NBAS: variants seen among roughly 807,000 people sequenced by gnomAD.
NBAS encodes the protein NBAS subunit of NRZ tethering complex, also known as NAG/BC035112 fusion.
NBAS carries 219 observed loss-of-function variants against 302.5 expected under a neutral mutation model. That is an observed-to-expected ratio of 0.72 (90% CI 0.65 to 0.81). The LOEUF (loss-of-function observed/expected upper bound fraction) is 0.81, where lower values mean the gene tolerates loss of function less well. NBAS is among the 30% of genes least tolerant of loss of function. The pLI, the probability that NBAS is intolerant of heterozygous loss-of-function variation, is 0.00. For synonymous variants in NBAS, 1,118 were observed against 1,021.6 expected (o/e 1.09, Z -1.80); for missense variants, 2,932 against 2,841.6 (o/e 1.03, Z -0.72).
At chr2:14,892,133 A>G in the NBAS span, among the ~76,000 whole-genome samples, 1 of 152,224 alleles carries the variant, frequency 6.6e-6, no homozygotes, top group Non-Finnish European at 1.5e-5. Context: ...AAATATTTTT[A>G]AAGAAAATGA....
At chr2:15,016,037 C>CA in the NBAS span, among the ~76,000 whole-genome samples, 35 of 147,672 alleles carry the variant, frequency 2.4e-4, no homozygotes, top group Middle Eastern at 3.4e-3. Flanking sequence ...CAATAGCTAC[C>CA]AAAAAAAAAA....
the NBAS span, among the ~76,000 whole-genome samples, chr2:14,859,220 T>C: frequency 2.0e-5 from 3 of 152,092 alleles, no homozygotes; most frequent in South Asian, 6.2e-4. Context: ...TCCATGCTCA[T>C]GATTGGAAAA....
the NBAS span, among the ~76,000 whole-genome samples, chr2:15,050,929 G>C: frequency 2.0e-5 from 3 of 152,012 alleles, no homozygotes; most frequent in South Asian, 4.2e-4. Context: ...AAAGGGGACT[G>C]GGGGGTGACT....
chr2:15,558,120 A>G (rs183531310), intron 2 of NBAS, among the ~76,000 whole-genome samples: 6 of 152,272 alleles, frequency 3.9e-5, no homozygotes, highest in East Asian at 1.9e-4. Flanking sequence ...TGTGGAAGAC[A>G]ATTTTTCCAT....
At chr2:14,888,405 A>G in the NBAS span, among the ~76,000 whole-genome samples, 3 of 151,694 alleles carry the variant, frequency 2.0e-5, no homozygotes, top group African/African-American at 7.3e-5. Flanking sequence ...TGCTGGGATT[A>G]CAGGCGTGAG....
At chr2:15,253,858 G>A (rs1204152139) in intron 44 of NBAS, among the ~76,000 whole-genome samples, 2 of 152,098 alleles carry the variant, frequency 1.3e-5, no homozygotes, top group Non-Finnish European at 2.9e-5. Flanking sequence ...TGGCAGTGGG[G>A]GAGATCTAAT....
At chr2:14,783,876 G>C in the NBAS span, among the ~76,000 whole-genome samples, 1 of 150,396 alleles carries the variant, frequency 6.6e-6, no homozygotes, top group South Asian at 2.1e-4. Context: ...TCTAGTTCTA[G>C]ATCCCTGAGG....
At chr2:14,891,341 T>C in the NBAS span, among the ~76,000 whole-genome samples, 2 of 152,328 alleles carry the variant, frequency 1.3e-5, no homozygotes, top group African/African-American at 4.8e-5. Context: ...GTTTGATTTT[T>C]TTTTTGCTAA....
chr2:15,384,532 C>G (rs913659935), intron 28 of NBAS, among the ~76,000 whole-genome samples: 1 of 150,906 alleles, frequency 6.6e-6, no homozygotes, highest in African/African-American at 2.4e-5. Context: ...AGACCCCCCC[C>G]CCATTTTTCT....
At chr2:15,392,083 A>C (rs1675636008) in intron 28 of NBAS, among the ~76,000 whole-genome samples, 1 of 152,050 alleles carries the variant, frequency 6.6e-6, no homozygotes, top group Non-Finnish European at 1.5e-5. Context: ...TGGAAACATA[A>C]GTCTACATAA....
the NBAS span, among the ~76,000 whole-genome samples, chr2:14,842,860 A>C: frequency 2.0e-5 from 3 of 149,654 alleles, no homozygotes; most frequent in Non-Finnish European, 4.4e-5. Flanking sequence ...AAAAAAAAAA[A>C]AAAACATATA....
the NBAS span, among the ~76,000 whole-genome samples, chr2:14,887,574 C>A: frequency 2.6e-5 from 4 of 152,044 alleles, no homozygotes; most frequent in African/African-American, 4.8e-5. Context: ...GACTGAGAAC[C>A]TTGCCGTCTT....
At chr2:15,039,408 A>C in the NBAS span, among the ~76,000 whole-genome samples, 1 of 152,338 alleles carries the variant, frequency 6.6e-6, no homozygotes, top group South Asian at 2.1e-4. Context: ...GAAGGATTTA[A>C]AGAAATTGTT....
At chr2:15,338,485 T>A (rs143890548) in intron 35 of NBAS, among the ~76,000 whole-genome samples, 65 of 152,264 alleles carry the variant, frequency 4.3e-4, no homozygotes, top group Non-Finnish European at 5.0e-4. Flanking sequence ...AAAAATACTC[T>A]ATGGAGTAAA....
the NBAS span, among the ~76,000 whole-genome samples, chr2:15,048,368 T>C: frequency 3.9e-5 from 6 of 152,242 alleles, no homozygotes; most frequent in Non-Finnish European, 8.8e-5. Flanking sequence ...GCATCTTTTC[T>C]TTCTGTCCAC....
chr2:14,810,770 C>A, the NBAS span, among the ~76,000 whole-genome samples: 1 of 152,096 alleles, frequency 6.6e-6, no homozygotes, highest in African/African-American at 2.4e-5. Flanking sequence ...TGGTGTCTGG[C>A]ACATAGTAAA....
intron 34 of NBAS, among the ~76,000 whole-genome samples, chr2:15,352,329 T>C (rs1296326090): frequency 2.0e-5 from 3 of 152,202 alleles, no homozygotes; most frequent in African/African-American, 7.2e-5. Flanking sequence ...GCAGTGTATG[T>C]GTTCAGGTCT....
chr2:15,327,279 AG>A (rs945455832), intron 38 of NBAS, among the ~76,000 whole-genome samples: 1 of 152,136 alleles, frequency 6.6e-6, no homozygotes, highest in Non-Finnish European at 1.5e-5. Context: ...CCTAAAAAGA[AG>A]GAGGCTAAAG....
At chr2:15,085,925 T>C in the NBAS span, among the ~76,000 whole-genome samples, 1 of 152,016 alleles carries the variant, frequency 6.6e-6, no homozygotes, top group East Asian at 1.9e-4. Flanking sequence ...AGGTCAGTGA[T>C]GGCCTGCAGG....
Sources: gnomAD v4.1 joint callset for allele counts (sites outside exome capture counted in the v4.1 genomes callset) on GRCh38, gnomAD v4.1.1 for gene constraint, MANE v1.5 for transcripts, NCBI Gene and HGNC (gene_info 2026-07-23, HGNC 2026-07-21) for gene names.